Variants in SV2C observed in about 807,000 individuals in gnomAD.
The protein encoded by SV2C is synaptic vesicle glycoprotein 2C.
SV2C carries 49 observed loss-of-function variants against 79.7 expected under a neutral mutation model. That is an observed-to-expected ratio of 0.61 (90% CI 0.49 to 0.78). The LOEUF is 0.78. Ranked by LOEUF, SV2C falls within the 30% of genes least tolerant of loss-of-function variation. The probability of loss-of-function intolerance (pLI) is 0.00; values close to 1 mark genes in which losing one functional copy is unlikely to be tolerated. For missense variants in SV2C, 833 were observed against 912.9 expected (o/e 0.91, Z 1.13); for synonymous variants, 334 against 333.2 (o/e 1.00, Z -0.03).
the SV2C span, among the ~76,000 whole-genome samples, chr5:75,967,272 T>C: frequency 3.3e-5 from 5 of 152,166 alleles, no homozygotes; most frequent in African/African-American, 4.8e-5. Flanking sequence ...GATTTCTGCA[T>C]TTCCAACTGA....
the SV2C span, among the ~76,000 whole-genome samples, chr5:75,877,949 A>G: frequency 6.7e-6 from 1 of 149,364 alleles, no homozygotes; most frequent in African/African-American, 2.5e-5. Context: ...AGAAAAAAAA[A>G]AAAAACAAGT....
chr5:76,108,225 A>G (rs1313573636), intron 1 of SV2C, among the ~76,000 whole-genome samples: 2 of 152,192 alleles, frequency 1.3e-5, no homozygotes, highest in South Asian at 2.1e-4. Context: ...TTTAGAAAGC[A>G]TTTTTTAAAG....
chr5:75,871,826 T>TAC, the SV2C span, among the ~76,000 whole-genome samples: 5 of 138,016 alleles, frequency 3.6e-5, no homozygotes, highest in African/African-American at 1.6e-4. Context: ...AATATATATA[T>TAC]ATATATATAC....
chr5:76,178,280 A>G (rs182255305), intron 2 of SV2C, among the ~76,000 whole-genome samples: 227 of 152,340 alleles, frequency 1.5e-3, no homozygotes, highest in Non-Finnish European at 2.6e-3. Context: ...CATAGACTTC[A>G]CCTTTTCATG....
rs570626477 is a variant in SV2C at position 76,312,589 on chromosome 5, G to A, written c.2000+11044G>A. On this transcript the variant is annotated intron_variant, in intron 12 of 12. Coordinates refer to ENST00000502798, the MANE Select transcript of SV2C (RefSeq NM_014979.4). The stretch of plus-strand genomic sequence containing the variant: ...TCTTTACCCCTCCTCCGTGGCGCTC[G>A]GGGCCAGGAGCGCACACCTTGTGAG... 2.1e-4 allele frequency among the ~76,000 whole-genome samples: 32 copies of A among 152,264 alleles called. No individual in the cohort carries two copies. The East Asian group carries it at 2.9e-3, about 14-fold the overall frequency.
intron 2 of SV2C, among the ~76,000 whole-genome samples, chr5:76,183,173 GCCA>G (rs1202468181): frequency 1.3e-5 from 2 of 151,480 alleles, no homozygotes; most frequent in Non-Finnish European, 2.9e-5. Flanking sequence ...ACGGGTGCCT[GCCA>G]CCACACCTGG....
the SV2C span, chr5:75,921,467 G>A: frequency 1.3e-6 from 1 of 795,554 alleles, no homozygotes; most frequent in Non-Finnish European, 2.3e-6. Context: ...TGCCCATAAG[G>A]CAGTCGGTCT....
intron 2 of SV2C, among the ~76,000 whole-genome samples, chr5:76,192,810 AC>A (rs1355946534): frequency 1.3e-5 from 2 of 152,192 alleles, no homozygotes; most frequent in African/African-American, 4.8e-5. Context: ...AAAGATTACT[AC>A]CTTTAGATCT....
intron 1 of SV2C, chr5:76,083,853 C>T (rs1188059835): frequency 6.6e-6 from 1 of 152,208 alleles, no homozygotes; most frequent in Non-Finnish European, 1.5e-5. Flanking sequence ...CAGCGACCGC[C>T]ACGCTCTTTT....
chr5:75,884,937 C>T, the SV2C span, among the ~76,000 whole-genome samples: 1 of 152,036 alleles, frequency 6.6e-6, no homozygotes, highest in Admixed American at 6.6e-5. Flanking sequence ...TAAACCTTTG[C>T]AACATTTAAG....
intron 2 of SV2C, among the ~76,000 whole-genome samples, chr5:76,156,336 G>C (rs1269308105): frequency 2.0e-5 from 3 of 152,130 alleles, no homozygotes; most frequent in Non-Finnish European, 4.4e-5. Context: ...TCATTCTATG[G>C]GGGGAAGGAA....
chr5:76,270,453 G>C (rs1746809120), intron 4 of SV2C, among the ~76,000 whole-genome samples: 1 of 152,192 alleles, frequency 6.6e-6, no homozygotes, highest in African/African-American at 2.4e-5. Flanking sequence ...GATTCTGATG[G>C]CTCCCAGCAA....
At chr5:76,347,661 C>T (rs1467746570) in intron 12 of SV2C, among the ~76,000 whole-genome samples, 1 of 152,120 alleles carries the variant, frequency 6.6e-6, no homozygotes, top group Non-Finnish European at 1.5e-5. Context: ...AGTCTGGTCT[C>T]GAACTCCTGA....
At chr5:76,012,819 A>G in the SV2C span, among the ~76,000 whole-genome samples, 14 of 152,288 alleles carry the variant, frequency 9.2e-5, no homozygotes, top group African/African-American at 3.1e-4. Flanking sequence ...AGTTTTCTGT[A>G]TATGGCTAGC....
chr5:75,908,394 G>A, the SV2C span, among the ~76,000 whole-genome samples: 9 of 152,302 alleles, frequency 5.9e-5, no homozygotes, highest in South Asian at 1.2e-3. Flanking sequence ...GTATCAGTAC[G>A]TCATTCCTTT....
chr5:76,336,638 C>A (rs1241708382), downstream of SV2C, among the ~76,000 whole-genome samples: 19 of 152,198 alleles, frequency 1.2e-4, no homozygotes, highest in Non-Finnish European at 1.0e-4. Context: ...CGTCCGCAAT[C>A]CCGGCACCAC....
intron 4 of SV2C, among the ~76,000 whole-genome samples, chr5:76,253,784 T>C (rs1270788129): frequency 6.6e-6 from 1 of 152,116 alleles, no homozygotes; most frequent in African/African-American, 2.4e-5. Flanking sequence ...TTCTTAGTTA[T>C]TTAATATCAC....
At chr5:75,857,957 T>C in the SV2C span, among the ~76,000 whole-genome samples, 1 of 152,254 alleles carries the variant, frequency 6.6e-6, no homozygotes, top group African/African-American at 2.4e-5. Flanking sequence ...GTTGATTTTG[T>C]ATCCTGCAAC....
At chr5:76,050,176 C>T in the SV2C span, among the ~76,000 whole-genome samples, 2 of 152,148 alleles carry the variant, frequency 1.3e-5, no homozygotes, top group African/African-American at 4.8e-5. Context: ...AATGCTGTCA[C>T]TCATATTGTA....
Sources: gnomAD v4.1 joint callset for allele counts (sites outside exome capture counted in the v4.1 genomes callset) on GRCh38, gnomAD v4.1.1 for gene constraint, MANE v1.5 for transcripts, NCBI Gene and HGNC (gene_info 2026-07-23, HGNC 2026-07-21) for gene names.